The following PDE11A variants were observed in gnomAD, a reference collection of about 807,000 sequenced individuals.
PDE11A encodes the protein dual 3',5'-cyclic-AMP and -GMP phosphodiesterase 11A.
Under a neutral mutation model 100.5 loss-of-function variants are expected in PDE11A, and 100 were observed. That is an observed-to-expected ratio of 1.00 (90% CI 0.85 to 1.18). The LOEUF (loss-of-function observed/expected upper bound fraction) is 1.18. Among genes scored for constraint, PDE11A ranks in the 50% most tolerant of loss-of-function variants. The pLI is 0.00. For missense variants in PDE11A, 1,141 were observed against 1,152.6 expected (o/e 0.99, Z 0.15); for synonymous variants, 381 against 420.8 (o/e 0.91, Z 1.16).
chr2:177,689,273 G>A (rs1282166429), intron 15 of PDE11A, among the ~76,000 whole-genome samples: 3 of 152,032 alleles, frequency 2.0e-5, no homozygotes, highest in African/African-American at 4.8e-5. Context: ...GTAGAGACGG[G>A]GTTTCTCCAT....
intron 1 of PDE11A, among the ~76,000 whole-genome samples, chr2:178,017,083 T>G (rs1306114350): frequency 1.3e-5 from 2 of 152,288 alleles, no homozygotes; most frequent in Non-Finnish European, 2.9e-5. Flanking sequence ...TGCTTCATTC[T>G]GGCATGCATA....
chr2:177,793,016 A>C (rs1254924523), intron 9 of PDE11A, among the ~76,000 whole-genome samples: 1 of 152,188 alleles, frequency 6.6e-6, no homozygotes, highest in Non-Finnish European at 1.5e-5. Context: ...ACTTAAGCTG[A>C]GACCTGGAAA....
chr2:177,676,175 G>C (rs2080770187), intron 16 of PDE11A: 1 of 162,000 alleles, frequency 6.2e-6, no homozygotes, highest in East Asian at 1.7e-4. Flanking sequence ...TCAGAGTTTT[G>C]AGGGGCAGGG....
chr2:178,014,934 G>A (rs963736054), intron 1 of PDE11A, among the ~76,000 whole-genome samples: 2 of 151,948 alleles, frequency 1.3e-5, no homozygotes, highest in African/African-American at 4.8e-5. Flanking sequence ...AAAAAGATGT[G>A]GGGTATGGGG....
chr2:178,070,413 ACT>A (rs1223960458), intron 1 of PDE11A, among the ~76,000 whole-genome samples: 1 of 151,910 alleles, frequency 6.6e-6, no homozygotes, highest in Non-Finnish European at 1.5e-5. Flanking sequence ...TGTCCTTCCC[ACT>A]CTTTTTGCTA....
chr2:177,649,781 G>A (rs2080282176), intron 19 of PDE11A, among the ~76,000 whole-genome samples: 1 of 152,082 alleles, frequency 6.6e-6, no homozygotes, highest in African/African-American at 2.4e-5. Flanking sequence ...GTATGAGGGA[G>A]GATCTCTTTT....
At chr2:178,068,082 A>G (rs760827990) in intron 1 of PDE11A, among the ~76,000 whole-genome samples, 1 of 152,144 alleles carries the variant, frequency 6.6e-6, no homozygotes, top group Non-Finnish European at 1.5e-5. Flanking sequence ...ATCTCAGAGA[A>G]CACCTGTTAC....
Position 177,728,006 on chromosome 2 carries a change from A to T in PDE11A, c.1935+20T>A, listed in dbSNP as rs765465331. On this transcript the variant is annotated intron_variant, in intron 11 of 19. Coordinates refer to ENST00000286063, the MANE Select transcript of PDE11A (RefSeq NM_016953.4). ...TTGTCCCAGGTGAACTGCTTGGATC[A>T]CCCAAGACAGACATCTTACCTCATA... 6.2e-7 allele frequency: 1 copy of T among 1,609,220 alleles called. No individual in the cohort carries two copies. The highest frequency in any genetic ancestry group is 8.5e-7 in the Non-Finnish European group (1 of 1,175,916).
intron 2 of PDE11A, among the ~76,000 whole-genome samples, chr2:177,967,084 T>C (rs1427806057): frequency 6.6e-6 from 1 of 152,142 alleles, no homozygotes; most frequent in Non-Finnish European, 1.5e-5. Context: ...TTCCTGTATG[T>C]TTCCAGGAAT....
chr2:178,071,484 G>A, intron 1 of PDE11A, 42 bp downstream of exon 1: 1 of 1,611,870 alleles, frequency 6.2e-7, no homozygotes, highest in Non-Finnish European at 8.5e-7. Context: ...TATCTCCCAA[G>A]CCAATGGGGC....
At position 177,627,285 on chromosome 2, in the gene PDE11A, C is replaced by G. The variant is rs892914186; in HGVS notation, c.*2122G>C. Reference sequence around the variant, plus strand: ...TCTCCTGACCTCGTGATCCGCCCGCCTCGGCCTTCCAAATTGCTGGGATTA... The same window carrying G: ...TCTCCTGACCTCGTGATCCGCCCGCGTCGGCCTTCCAAATTGCTGGGATTA... On this transcript the variant is annotated 3_prime_UTR_variant, in exon 20 of 20. Coordinates refer to ENST00000286063, the MANE Select transcript of PDE11A (RefSeq NM_016953.4). 6.6e-6 allele frequency: 1 copy of G among 151,992 alleles called. No homozygotes were observed. Among genetic ancestry groups the G allele is most frequent in the African/African-American group, 2.4e-5 (1 of 41,378 alleles). 9.4% of individuals were successfully genotyped at this position (151,992 alleles called of 1,614,324 possible).
intron 10 of PDE11A, among the ~76,000 whole-genome samples, chr2:177,768,590 G>A (rs888471730): frequency 6.6e-6 from 1 of 152,166 alleles, no homozygotes; most frequent in Non-Finnish European, 1.5e-5. Flanking sequence ...AAAACTGCCT[G>A]GTAGGAGTGC....
At chr2:178,093,720 TA>T (rs1417100550) in intron 2 of PDE11A, among the ~76,000 whole-genome samples, 1 of 152,202 alleles carries the variant, frequency 6.6e-6, no homozygotes, top group Admixed American at 6.5e-5. Flanking sequence ...GGCAAAGGCA[TA>T]AGCCTTTGTT....
At chr2:177,860,534 T>C (rs887837785) in intron 5 of PDE11A, among the ~76,000 whole-genome samples, 2 of 151,784 alleles carry the variant, frequency 1.3e-5, no homozygotes, top group Non-Finnish European at 3.0e-5. Flanking sequence ...AAGAAGACTC[T>C]TTTTTAAAAT....
chr2:177,661,172 T>C (rs1336587144), intron 19 of PDE11A, among the ~76,000 whole-genome samples: 1 of 152,238 alleles, frequency 6.6e-6, no homozygotes, highest in East Asian at 1.9e-4. Flanking sequence ...TTGTCTCATG[T>C]GTACTCCTCG....
chr2:177,625,898 T>C lies in PDE11A; in HGVS notation c.*3509A>G, dbSNP rs151322204. 4.3e-4 allele frequency: 65 copies of C among 152,756 alleles called. No homozygotes were observed. Among genetic ancestry groups the C allele is most frequent in the Non-Finnish European group, 5.9e-4 (40 of 68,026 alleles). The allele number at this position is 152,756 out of a possible 1,614,324, so 9.5% of individuals were successfully genotyped here. A position where few individuals can be genotyped will look rare whatever the true frequency, so the allele number is the denominator to read the frequency against. On this transcript the variant is annotated 3_prime_UTR_variant, in exon 20 of 20. Transcript: ENST00000286063. ...TGCTACCTTCCTGTCCACTGCTTCA[T>C]AGTCATGGAGACACAGACCCATGGC...
chr2:177,807,880 A>T (rs2082895816), intron 9 of PDE11A, among the ~76,000 whole-genome samples: 1 of 152,262 alleles, frequency 6.6e-6, no homozygotes, highest in Admixed American at 6.5e-5. Context: ...AAATATTTAT[A>T]TATGAAGATT....
intron 9 of PDE11A, among the ~76,000 whole-genome samples, chr2:177,794,068 G>A (rs1333809273): frequency 6.6e-6 from 1 of 152,106 alleles, no homozygotes; most frequent in Non-Finnish European, 1.5e-5. Flanking sequence ...AGAGTGGAGA[G>A]AGTGGAGTGA....
intron 2 of PDE11A, among the ~76,000 whole-genome samples, chr2:178,078,744 C>T (rs1027582311): frequency 6.6e-6 from 1 of 151,962 alleles, no homozygotes; most frequent in Non-Finnish European, 1.5e-5. Context: ...TTTGGAGATT[C>T]GAACTTAGTA....
Sources: allele counts gnomAD v4.1 joint callset (sites outside exome capture counted in the v4.1 genomes callset), GRCh38; gene constraint gnomAD v4.1.1; transcripts MANE v1.5; gene names NCBI Gene and HGNC (gene_info 2026-07-23, HGNC 2026-07-21).